SLC15A5: variants seen among roughly 807,000 people sequenced by gnomAD.
SLC15A5 encodes Peptide/histidine transporter ENSP00000340402.
A neutral mutation model predicts 56.1 loss-of-function variants in SLC15A5; 58 were observed. That is an observed-to-expected ratio of 1.03 (90% CI 0.84 to 1.29). SLC15A5 has a LOEUF of 1.29. Ranked by LOEUF, SLC15A5 falls within the 50% of genes most tolerant of loss-of-function variation. The probability of loss-of-function intolerance (pLI) is 0.00; values close to 1 mark genes in which losing one functional copy is unlikely to be tolerated. For missense variants in SLC15A5, 681 were observed against 672.1 expected (o/e 1.01, Z -0.15); for synonymous variants, 264 against 250.5 (o/e 1.05, Z -0.51).
At chr12:16,254,501 G>A (rs149832373) in intron 3 of SLC15A5, among the ~76,000 whole-genome samples, 118 of 152,196 alleles carry the variant, frequency 7.8e-4, no homozygotes, top group African/African-American at 2.6e-3. Context: ...CAGTTCTACT[G>A]GTGTTGCTGC....
At chr12:16,230,757 CA>C (rs59876940) in intron 5 of SLC15A5, among the ~76,000 whole-genome samples, 5,937 of 129,520 alleles carry the variant, frequency 0.046, 145 homozygotes, top group South Asian at 0.069. Context: ...ACTAAAAATA[CA>C]AAAAAAAAAA....
Position 16,207,949 on chromosome 12 carries a change from G to A in SLC15A5, c.1483+8944C>T, listed in dbSNP as rs529293327. ...ATTACAGGCGTGAGCCACTGTGCCC[G>A]GCCAGAACCAGCGATCTTAACACTT... On this transcript the variant is annotated intron_variant, in intron 7 of 8. Transcript: ENST00000344941. 3.3e-5 allele frequency among the ~76,000 whole-genome samples: 5 copies of A among 152,134 alleles called. No homozygotes were observed. In the East Asian group the frequency reaches 5.8e-4, roughly 18 times the overall value.
chr12:16,190,250 A>G (rs1443803290), intron 8 of SLC15A5, among the ~76,000 whole-genome samples: 1 of 152,142 alleles, frequency 6.6e-6, no homozygotes, highest in African/African-American at 2.4e-5. Flanking sequence ...TCCATCCCCA[A>G]CCTCCAGAAA....
chr12:16,249,064 C>G (rs1296253462), intron 3 of SLC15A5, among the ~76,000 whole-genome samples: 1 of 151,930 alleles, frequency 6.6e-6, no homozygotes, highest in Non-Finnish European at 1.5e-5. Flanking sequence ...TGACCTTGAT[C>G]TAATCATGAA....
intron 2 of SLC15A5, among the ~76,000 whole-genome samples, chr12:16,258,946 C>T (rs143029790): frequency 4.9e-4 from 74 of 150,110 alleles, no homozygotes; most frequent in African/African-American, 1.7e-3. Context: ...CAAGTGTGGT[C>T]CACTGGGGGT....
intron 6 of SLC15A5, among the ~76,000 whole-genome samples, chr12:16,223,886 T>C (rs868801165): frequency 2.0e-4 from 30 of 152,140 alleles, no homozygotes; most frequent in Non-Finnish European, 7.4e-5. Flanking sequence ...CTGGCTAATT[T>C]TTTGTATTTT....
intron 7 of SLC15A5, among the ~76,000 whole-genome samples, chr12:16,205,730 A>T (rs1470574457): frequency 6.6e-6 from 1 of 151,828 alleles, no homozygotes; most frequent in East Asian, 1.9e-4. Context: ...CTTCAAGTGT[A>T]TGTGGCATTA....
chr12:16,245,885 A>G (rs1864456212), intron 3 of SLC15A5, among the ~76,000 whole-genome samples: 1 of 152,210 alleles, frequency 6.6e-6, no homozygotes, highest in South Asian at 2.1e-4. Flanking sequence ...TTTTATGTTT[A>G]AATAAAGAAT....
chr12:16,260,836 G>A (rs768880064), intron 2 of SLC15A5, among the ~76,000 whole-genome samples: 16 of 151,576 alleles, frequency 1.1e-4, no homozygotes, highest in Admixed American at 8.5e-4. Flanking sequence ...TTTTAGTAGA[G>A]TGTCATGGGG....
At chr12:16,273,759 G>T (rs1864787632) in intron 1 of SLC15A5, among the ~76,000 whole-genome samples, 4 of 144,420 alleles carry the variant, frequency 2.8e-5, no homozygotes, top group Non-Finnish European at 1.5e-5. Context: ...TTTGGAAATA[G>T]CATTCCCCCC....
chr12:16,244,176 A>G (rs1441560273), intron 4 of SLC15A5, among the ~76,000 whole-genome samples: 1 of 152,190 alleles, frequency 6.6e-6, no homozygotes. Flanking sequence ...TACTCAAATC[A>G]GTCAGTTTAG....
chr12:16,189,953 C>T (rs558625625), intron 8 of SLC15A5, 138 bp from the exon 9 acceptor site: 9 of 635,932 alleles, frequency 1.4e-5, no homozygotes, highest in Admixed American at 7.1e-5. Flanking sequence ...TATTTAAGAG[C>T]ACTGCTCACC....
chr12:16,245,810 C>T (rs771982030), intron 3 of SLC15A5, among the ~76,000 whole-genome samples: 43 of 152,028 alleles, frequency 2.8e-4, no homozygotes, highest in Non-Finnish European at 4.9e-4. Flanking sequence ...TTCAAGTTTC[C>T]TATAATAAAA....
Position 16,244,351 on chromosome 12 carries a change from T to G in SLC15A5, c.975+229A>C, listed in dbSNP as rs180751064. Among the ~76,000 whole-genome samples the G allele has an allele frequency of 1.2e-4, 18 of 152,292 alleles. No individual in the cohort carries two copies. The East Asian group carries it at 3.3e-3, about 28-fold the overall frequency. ...ACTGTCTGCACCTACTGACAGACAT[T>G]TATAGCTCCACAAAAGAAACACATC... On this transcript the variant is annotated intron_variant, in intron 4 of 8. Transcript: ENST00000344941.
chr12:16,238,412 G>C (rs1864373628), intron 5 of SLC15A5, among the ~76,000 whole-genome samples: 1 of 152,056 alleles, frequency 6.6e-6, no homozygotes. Flanking sequence ...CGGATCACGA[G>C]GTCAGGAGAT....
intron 1 of SLC15A5, among the ~76,000 whole-genome samples, chr12:16,274,532 C>T (rs1247679088): frequency 6.6e-6 from 1 of 152,128 alleles, no homozygotes; most frequent in East Asian, 1.9e-4. Context: ...CAGAGGCTTT[C>T]ACAATGTAAA....
intron 1 of SLC15A5, among the ~76,000 whole-genome samples, chr12:16,276,283 T>C (rs913609876): frequency 4.6e-5 from 7 of 151,908 alleles, no homozygotes; most frequent in East Asian, 3.9e-4. Flanking sequence ...GTGTGATATG[T>C]TGAGTACCTG....
At chr12:16,233,459 A>T (rs1006852663) in intron 5 of SLC15A5, among the ~76,000 whole-genome samples, 50 of 152,316 alleles carry the variant, frequency 3.3e-4, no homozygotes, top group African/African-American at 1.2e-3. Flanking sequence ...GGTGTTTTCT[A>T]TTATCAAATC....
chr12:16,215,239 G>A (rs1329746862), intron 7 of SLC15A5, among the ~76,000 whole-genome samples: 1 of 146,460 alleles, frequency 6.8e-6, no homozygotes, highest in Admixed American at 6.9e-5. Flanking sequence ...ACCAAAGTGA[G>A]GATAGTCTTG....
Sources: gnomAD v4.1 joint callset for allele counts (sites outside exome capture counted in the v4.1 genomes callset) on GRCh38, gnomAD v4.1.1 for gene constraint, MANE v1.5 for transcripts, NCBI Gene and HGNC (gene_info 2026-07-23, HGNC 2026-07-21) for gene names.